PDZD2: variants seen among roughly 807,000 people sequenced by gnomAD.
The protein encoded by PDZD2 is PDZ domain-containing protein 2.
In PDZD2, 90 loss-of-function variants were observed where a neutral mutation model predicts 220.7. The observed-to-expected ratio is 0.41, with a 90% confidence interval of 0.34 to 0.49. PDZD2 has a LOEUF of 0.49. Among genes scored for constraint, PDZD2 ranks in the 20% least tolerant of loss-of-function variants. The pLI is 0.28. For synonymous variants in PDZD2, 1,375 were observed against 1,450.5 expected, an observed-to-expected ratio of 0.95 and a Z score of 1.18; for missense variants, 3,174 against 3,608.5, an observed-to-expected ratio of 0.88 and a Z score of 3.08.
intron 9 of PDZD2, 119 bp downstream of exon 9, chr5:32,052,849 TG>T: frequency 9.3e-7 from 1 of 1,075,092 alleles, no homozygotes; most frequent in East Asian, 2.4e-5. Flanking sequence ...CTTGCTCTGT[TG>T]CCCAGGCCGG....
At chr5:32,077,802 CA>C in intron 19 of PDZD2, 196 bp downstream of exon 19, 1 of 498,110 alleles carries the variant, frequency 2.0e-6, no homozygotes, top group South Asian at 2.0e-5. Context: ...ACTAAAAATA[CA>C]AAAATTAGCC....
chr5:31,999,836 T>C (rs1181492634), intron 4 of PDZD2, among the ~76,000 whole-genome samples: 2 of 152,202 alleles, frequency 1.3e-5, no homozygotes, highest in Non-Finnish European at 2.9e-5. Flanking sequence ...CCTTGGGGTC[T>C]TGGTTCCTCT....
At position 31,957,394 on chromosome 5, in the gene PDZD2, T is replaced by C. The variant is rs139025042; in HGVS notation, c.477-25761T>C. Among the ~76,000 whole-genome samples the C allele has an allele frequency of 1.7e-4, 26 of 152,308 alleles. No individual in the cohort carries two copies. The East Asian group carries it at 4.8e-3, about 28-fold the overall frequency. On this transcript the variant is annotated intron_variant, in intron 2 of 24. Coordinates refer to ENST00000438447, the MANE Select transcript of PDZD2 (RefSeq NM_178140.4). Reference sequence around the variant, plus strand: ...CAGGAGGTTGCACATCACAGACCAGTGCCTGGGGTGTTACGGGGCTGACCA... The same window carrying C: ...CAGGAGGTTGCACATCACAGACCAGCGCCTGGGGTGTTACGGGGCTGACCA...
rs528663505 is a variant in PDZD2 at position 32,083,979 on chromosome 5, G to C, written c.3683-3152G>C. On this transcript the variant is annotated intron_variant, in intron 19 of 24. Coordinates refer to ENST00000438447, the MANE Select transcript of PDZD2 (RefSeq NM_178140.4). The surrounding 1 kb of genome is among the most constrained non-coding windows in gnomAD (Gnocchi z 4.1). ...AGGCATGAGCCACCGCCCACGGCCT[G>C]AATATGAAATTTAAAAACAGAGTTT... Among the ~76,000 whole-genome samples, 5 of 152,230 alleles carry C rather than the reference G, an allele frequency of 3.3e-5. No homozygotes were observed. The highest frequency in any genetic ancestry group is 1.2e-4 in the African/African-American group (5 of 41,538).
chr5:31,653,910 G>A (rs184248071), intron 1 of PDZD2, among the ~76,000 whole-genome samples: 120 of 152,108 alleles, frequency 7.9e-4, no homozygotes, highest in African/African-American at 2.7e-3. Context: ...TCAGCCTCCC[G>A]AGTAGCTGGG....
At chr5:31,792,458 G>C (rs1753781620) in intron 1 of PDZD2, among the ~76,000 whole-genome samples, 1 of 152,130 alleles carries the variant, frequency 6.6e-6, no homozygotes, top group African/African-American at 2.4e-5. Context: ...TCACTCTGTG[G>C]CCCAGGCTGG....
intron 6 of PDZD2, among the ~76,000 whole-genome samples, chr5:32,011,897 T>C (rs577742049): frequency 1.3e-5 from 2 of 152,182 alleles, no homozygotes; most frequent in South Asian, 4.1e-4. Context: ...ATTCACATCA[T>C]AAACATCATA....
chr5:31,998,313 G>A (rs1018337357), intron 4 of PDZD2, among the ~76,000 whole-genome samples: 2 of 152,238 alleles, frequency 1.3e-5, no homozygotes, highest in Middle Eastern at 6.8e-3. Context: ...GGGGCCCTTA[G>A]CATTTCTCTG....
chr5:31,770,906 C>G (rs1362541376), intron 1 of PDZD2, among the ~76,000 whole-genome samples: 1 of 150,238 alleles, frequency 6.7e-6, no homozygotes, highest in African/African-American at 2.4e-5. Flanking sequence ...TTCTATTTTT[C>G]ATTTAAGTGC....
At position 32,037,255 on chromosome 5, in the gene PDZD2, G is replaced by A; in HGVS notation, c.1432G>A (p.Asp478Asn). ...GATGCCTGGGACAGATGAACCCCAAGATGTGTGCGGTGCTGAGGAATCCAA... is the reference window on the plus strand; with the variant it reads ...GATGCCTGGGACAGATGAACCCCAAAATGTGTGCGGTGCTGAGGAATCCAA... ...RAMPGTDEPQ[D>N]VCGAEESKGN... The change falls in exon 7 of 25, where the codon GAT (aspartate) becomes AAT (asparagine). Residue 478 changes from aspartate to asparagine, a missense_variant. Asp to Asn is a conservative substitution (Grantham distance 23, BLOSUM62 1). Coordinates refer to ENST00000438447, the MANE Select transcript of PDZD2 (RefSeq NM_178140.4). 6.2e-7 allele frequency: 1 copy of A among 1,613,500 alleles called. No individual in the cohort carries two copies.
chr5:32,056,411 G>A (rs1048876809), intron 10 of PDZD2, among the ~76,000 whole-genome samples: 10 of 152,174 alleles, frequency 6.6e-5, no homozygotes, highest in East Asian at 3.8e-4. Context: ...TCTTATAGGC[G>A]TACAGAGTCC....
intron 6 of PDZD2, among the ~76,000 whole-genome samples, chr5:32,015,279 T>TG (rs890607245): frequency 2.0e-5 from 3 of 151,888 alleles, no homozygotes; most frequent in Non-Finnish European, 4.4e-5. Flanking sequence ...GGTCTTGCTC[T>TG]GGCGGTACCC....
chr5:31,815,245 CAAAAAAAAAAAA>C (rs59040987), intron 2 of PDZD2, among the ~76,000 whole-genome samples: 1,968 of 58,072 alleles, frequency 0.034, 72 homozygotes, highest in African/African-American at 0.12. Context: ...AACTCTGTCT[CAAAAAAAAAAAA>C]AAAAAAAAAA....
At chr5:32,036,616 A>G (rs1404528318) in intron 6 of PDZD2, among the ~76,000 whole-genome samples, 1 of 152,184 alleles carries the variant, frequency 6.6e-6, no homozygotes, top group Non-Finnish European at 1.5e-5. Flanking sequence ...GGCTGACCTC[A>G]TGTCGACGCC....
At chr5:32,069,532 TA>T in intron 14 of PDZD2, 36 bp from the exon 15 acceptor site, 1 of 1,187,692 alleles carries the variant, frequency 8.4e-7, no homozygotes, top group Non-Finnish European at 1.3e-6. Flanking sequence ...AATAAATAAA[TA>T]AAACCATCTA....
At chr5:31,783,943 TCTGA>T (rs1447686051) in intron 1 of PDZD2, among the ~76,000 whole-genome samples, 3 of 152,204 alleles carry the variant, frequency 2.0e-5, no homozygotes, top group Admixed American at 6.5e-5. Flanking sequence ...CACATAGTGC[TCTGA>T]CTGTCACTGA....
At chr5:31,765,334 A>G (rs12655405) in intron 1 of PDZD2, among the ~76,000 whole-genome samples, 144,682 of 152,262 alleles carry the variant, frequency 0.95, 68,780 homozygotes, top group Middle Eastern at 0.99. Context: ...AACATCGGTG[A>G]CCACACTTCC....
rs928169684 is a variant in PDZD2 at position 31,893,399 on chromosome 5, C to A, written c.477-89756C>A. Among the ~76,000 whole-genome samples the A allele has an allele frequency of 8.5e-5, 13 of 152,072 alleles. 1 individual carries two copies. The highest frequency in any genetic ancestry group is 3.1e-4 in the African/African-American group (13 of 41,418). The stretch of plus-strand genomic sequence containing the variant: ...CAGCCTGGGCAACATGGTGAAAACC[C>A]GTCTCTACAAAAAACAAAAATTAGC... On this transcript the variant is annotated intron_variant, in intron 2 of 24. Transcript: ENST00000438447.
At chr5:31,991,558 C>T (rs1691092355) in intron 3 of PDZD2, among the ~76,000 whole-genome samples, 2 of 152,072 alleles carry the variant, frequency 1.3e-5, no homozygotes, top group Admixed American at 1.3e-4. Context: ...TTTGATTGTA[C>T]TAAGGTGTAT....
Sources: allele counts gnomAD v4.1 joint callset (sites outside exome capture counted in the v4.1 genomes callset), GRCh38; gene constraint gnomAD v4.1.1; non-coding constraint Gnocchi (gnomAD v3.1); transcripts MANE v1.5; gene names NCBI Gene and HGNC (gene_info 2026-07-23, HGNC 2026-07-21).